CNIH3: variants seen among roughly 807,000 people sequenced by gnomAD.
The protein encoded by CNIH3 is cornichon family AMPA receptor auxiliary protein 3.
CNIH3 carries 14 observed loss-of-function variants against 24.1 expected under a neutral mutation model. The ratio of observed to expected loss-of-function variants is 0.58; its 90% CI spans 0.38 to 0.91. CNIH3 has a LOEUF of 0.91. Ranked by LOEUF, CNIH3 falls within the 40% of genes least tolerant of loss-of-function variation. The probability of loss-of-function intolerance (pLI) is 0.00; values close to 1 mark genes in which losing one functional copy is unlikely to be tolerated. For missense variants in CNIH3, 178 were observed against 196.8 expected (o/e 0.90, Z 0.57); for synonymous variants, 68 against 73.8 (o/e 0.92, Z 0.40).
intron 2 of CNIH3, among the ~76,000 whole-genome samples, chr1:224,525,027 T>A (rs1218370713): frequency 6.6e-6 from 1 of 152,166 alleles, no homozygotes; most frequent in African/African-American, 2.4e-5. Context: ...TCCGCCTAAA[T>A]GTAGCCATTC....
chr1:224,601,839 C>A (rs911554559), intron 3 of CNIH3, among the ~76,000 whole-genome samples: 5 of 152,224 alleles, frequency 3.3e-5, no homozygotes, highest in Admixed American at 2.6e-4. Flanking sequence ...GGATTAACAT[C>A]TTTCATTGTA....
chr1:224,658,997 T>C (rs1439918282), intron 1 of CNIH3, among the ~76,000 whole-genome samples: 1 of 152,242 alleles, frequency 6.6e-6, no homozygotes, highest in Non-Finnish European at 1.5e-5. Context: ...GAGGCCCAGA[T>C]GCTGGCCTTG....
intron 1 of CNIH3, among the ~76,000 whole-genome samples, chr1:224,630,738 C>T (rs1683777384): frequency 6.6e-6 from 1 of 152,164 alleles, no homozygotes; most frequent in Non-Finnish European, 1.5e-5. Context: ...CATCCAGAGG[C>T]TTCTGGCCAA....
intron 1 of CNIH3, among the ~76,000 whole-genome samples, chr1:224,627,143 TCAGA>T (rs1397814884): frequency 2.6e-5 from 4 of 152,296 alleles, no homozygotes; most frequent in Admixed American, 2.6e-4. Flanking sequence ...ATGGTGGCTC[TCAGA>T]CTGACCATGA....
chr1:224,612,681 T>C (rs1682755093), upstream of CNIH3, among the ~76,000 whole-genome samples: 1 of 152,186 alleles, frequency 6.6e-6, no homozygotes, highest in African/African-American at 2.4e-5. The surrounding 1 kb of genome is among the most constrained non-coding windows in gnomAD (Gnocchi z 4.7). Flanking sequence ...TGGAGAAAGA[T>C]AACATAATTT....
chr1:224,560,449 G>A (rs1432462153), intron 3 of CNIH3, among the ~76,000 whole-genome samples: 1 of 152,038 alleles, frequency 6.6e-6, no homozygotes, highest in East Asian at 1.9e-4. Flanking sequence ...TTAGGAACCG[G>A]GCCCCACAGC....
intron 1 of CNIH3, among the ~76,000 whole-genome samples, chr1:224,469,815 T>C (rs1676294784): frequency 6.6e-6 from 1 of 152,238 alleles, no homozygotes; most frequent in Non-Finnish European, 1.5e-5. Context: ...TTCATTCCTT[T>C]GGTTAGATCA....
intron 1 of CNIH3, among the ~76,000 whole-genome samples, chr1:224,494,916 T>C (rs1326713342): frequency 2.0e-5 from 3 of 152,242 alleles, no homozygotes; most frequent in African/African-American, 7.2e-5. Flanking sequence ...TGCTTTCTTC[T>C]GCCCTCTCTG....
intron 2 of CNIH3, among the ~76,000 whole-genome samples, chr1:224,533,589 G>A (rs558936530): frequency 2.1e-4 from 32 of 152,212 alleles, no homozygotes; most frequent in African/African-American, 6.3e-4. Context: ...CTGAAGCCTC[G>A]AGGGGAGAAT....
chr1:224,483,694 G>A (rs1042006402), intron 1 of CNIH3, among the ~76,000 whole-genome samples: 7 of 151,590 alleles, frequency 4.6e-5, no homozygotes, highest in Admixed American at 3.9e-4. Context: ...CACCACACCC[G>A]GCTGATTTTT....
chr1:224,639,610 T>C lies in CNIH3; in HGVS notation c.81+22355T>C, dbSNP rs182546642. Among the ~76,000 whole-genome samples the C allele has an allele frequency of 8.7e-3, 1,323 of 152,332 alleles. 21 individuals carry two copies. The highest frequency in any genetic ancestry group is 0.027 in the Middle Eastern group (8 of 294). ...TTAACATATGTCCCTGAGTTGTTTTTCAGAAACCTGGACCCCTACCAGATG... is the reference window on the plus strand; with the variant it reads ...TTAACATATGTCCCTGAGTTGTTTTCCAGAAACCTGGACCCCTACCAGATG... On this transcript the variant is annotated intron_variant, in intron 1 of 5. Transcript: ENST00000272133.
intron 3 of CNIH3, among the ~76,000 whole-genome samples, chr1:224,729,768 G>A (rs1006836276): frequency 6.6e-6 from 1 of 152,098 alleles, no homozygotes; most frequent in Non-Finnish European, 1.5e-5. Flanking sequence ...CTGTGTGGCT[G>A]GATTGGAGGT....
intron 1 of CNIH3, among the ~76,000 whole-genome samples, chr1:224,641,157 T>A (rs1684339243): frequency 6.6e-6 from 1 of 152,188 alleles, no homozygotes. Flanking sequence ...ATGCCTGGGC[T>A]AAGCCTCCTC....
At chr1:224,533,611 C>T (rs1191966195) in intron 2 of CNIH3, among the ~76,000 whole-genome samples, 3 of 152,134 alleles carry the variant, frequency 2.0e-5, no homozygotes, top group Non-Finnish European at 4.4e-5. Context: ...TGTTGTGTGC[C>T]CTTCTCTTAG....
At chr1:224,478,422 AG>A (rs1167771720) in intron 1 of CNIH3, among the ~76,000 whole-genome samples, 1 of 152,038 alleles carries the variant, frequency 6.6e-6, no homozygotes, top group African/African-American at 2.4e-5. Flanking sequence ...CTGCTTGATC[AG>A]TTCTGCTATT....
intron 3 of CNIH3, among the ~76,000 whole-genome samples, chr1:224,558,262 C>T (rs1680223814): frequency 6.6e-6 from 1 of 152,142 alleles, no homozygotes; most frequent in Admixed American, 6.5e-5. Flanking sequence ...GGAGGCCATG[C>T]TCAGCTTCCC....
chr1:224,520,961 C>T (rs1678601993), intron 1 of CNIH3: 1 of 152,260 alleles, frequency 6.6e-6, no homozygotes, highest in South Asian at 2.1e-4. Context: ...AGGGCACTAA[C>T]TTGGCATCTC....
rs532338541 is a variant in CNIH3, at chr1:224,616,737, C to T, written c.-438C>T. The T allele has an allele frequency of 1.7e-4, 174 of 1,001,480 alleles. No individual in the cohort carries two copies. The highest frequency in any genetic ancestry group is 2.0e-4 in the Non-Finnish European group (167 of 840,816). 62.0% of individuals were successfully genotyped at this position (1,001,480 alleles called of 1,614,324 possible). On this transcript the variant is annotated 5_prime_UTR_variant, in exon 1 of 6. Coordinates refer to ENST00000272133, the MANE Select transcript of CNIH3 (RefSeq NM_152495.2). ...GCGGGAGGGTCCGGAGCGGAGCGCTCGTCTCTCCTCAGCGGTTTAGTGGAG... is the reference window on the plus strand; with the variant it reads ...GCGGGAGGGTCCGGAGCGGAGCGCTTGTCTCTCCTCAGCGGTTTAGTGGAG...
chr1:224,561,016 T>A (rs866890013), intron 3 of CNIH3, among the ~76,000 whole-genome samples: 6 of 152,158 alleles, frequency 3.9e-5, no homozygotes, highest in African/African-American at 1.4e-4. Context: ...TACTGGCCAT[T>A]TGCATGGCCT....
Sources: allele counts gnomAD v4.1 joint callset (sites outside exome capture counted in the v4.1 genomes callset), GRCh38; gene constraint gnomAD v4.1.1; non-coding constraint Gnocchi (gnomAD v3.1); transcripts MANE v1.5; gene names NCBI Gene and HGNC (gene_info 2026-07-23, HGNC 2026-07-21).